MSR1: variants seen among roughly 807,000 people sequenced by gnomAD.
The protein encoded by MSR1 is macrophage scavenger receptor types I and II.
MSR1 carries 53 observed loss-of-function variants against 47.2 expected under a neutral mutation model. The ratio of observed to expected loss-of-function variants is 1.12; its 90% CI spans 0.90 to 1.41. The LOEUF (loss-of-function observed/expected upper bound fraction) is 1.41. Among genes scored for constraint, MSR1 ranks in the 40% most tolerant of loss-of-function variants. MSR1 has a pLI of 0.00. For missense variants in MSR1, 786 were observed against 546.9 expected (o/e 1.44, Z -4.36); for synonymous variants, 239 against 185.6 (o/e 1.29, Z -2.34).
Position 16,139,762 on chromosome 8 carries a change from AAAAAAAAAAAAAATATATATAT to A in MSR1, c.1033+3774_1033+3795del, listed in dbSNP as rs1236388833. 7 of 165,516 alleles carry A rather than the reference AAAAAAAAAAAAAATATATATAT, an allele frequency of 4.2e-5. No individual in the cohort carries two copies. The African/African-American group carries it at 4.7e-4, about 11-fold the overall frequency. The allele number at this position is 165,516 out of a possible 1,614,324, so 10.3% of individuals were successfully genotyped here. A position where few individuals can be genotyped will look rare whatever the true frequency, so the allele number is the denominator to read the frequency against. On this transcript the variant is annotated intron_variant, in intron 8 of 9. Transcript: ENST00000262101. ...CTTCAAAACTTAAAAAAAAAAAAAA[AAAAAAAAAAAAAATATATATAT>A]ATATATATATATATATATATATATA...
At position 16,168,854 on chromosome 8, in the gene MSR1, C is replaced by T. The variant is rs576726520; in HGVS notation, c.234G>A (p.Trp78Ter). ...IGIVAAQLLK[W>*]ETKNCSVSST... is the part of the protein sequence containing the mutation. ...AACTAACTGAGCAATTCTTCGTTTC[C>T]CACTTCAGGAGTTGAGCTGTATATT... Residue 78 changes from tryptophan (W) to a stop codon, truncating the protein, a stop_gained, in exon 4 of 10, where the codon TGG becomes TGA. Transcript: ENST00000262101. LOFTEE classifies it high-confidence loss of function. 1 of 1,613,266 alleles carries T rather than the reference C, an allele frequency of 6.2e-7. No individual in the cohort carries two copies. Among genetic ancestry groups the T allele is most frequent in the Non-Finnish European group, 8.5e-7 (1 of 1,179,972 alleles).
At chr8:16,192,147 C>A (rs73665257) in intron 1 of MSR1, among the ~76,000 whole-genome samples, 1 of 151,720 alleles carries the variant, frequency 6.6e-6, no homozygotes, top group Admixed American at 6.6e-5. Flanking sequence ...GATACCCAGC[C>A]AATATTTGCT....
rs1182059862 is a variant in MSR1 at position 16,170,590 on chromosome 8, T to C, written c.218-1720A>G. On this transcript the variant is annotated intron_variant, in intron 3 of 9. Coordinates refer to ENST00000262101, the MANE Select transcript of MSR1 (RefSeq NM_138715.3). The stretch of plus-strand genomic sequence containing the variant: ...TAATTTCATATTGCTCAAAAATATA[T>C]GCAGCTCCACCTGAGTCTATCAATT... Among the ~76,000 whole-genome samples the C allele has an allele frequency of 2.0e-5, 3 of 152,302 alleles. No homozygotes were observed. In the East Asian group the frequency reaches 5.8e-4, roughly 29 times the overall value.
intron 8 of MSR1, among the ~76,000 whole-genome samples, chr8:16,133,275 A>G (rs1800307230): frequency 6.6e-6 from 1 of 152,200 alleles, no homozygotes; most frequent in African/African-American, 2.4e-5. Context: ...ATTTAACTAT[A>G]TCAATGTTGT....
At chr8:16,123,955 G>T (rs1800069538) in intron 8 of MSR1, among the ~76,000 whole-genome samples, 1 of 152,056 alleles carries the variant, frequency 6.6e-6, no homozygotes, top group African/African-American at 2.4e-5. Flanking sequence ...TTGCTCTCCT[G>T]TTCACTTGAT....
chr8:16,181,019 A>T (rs1563170273), intron 1 of MSR1, among the ~76,000 whole-genome samples: 2 of 152,100 alleles, frequency 1.3e-5, no homozygotes, highest in Admixed American at 1.3e-4. Context: ...TAAGAAGCCA[A>T]ACTGGATTAT....
intron 9 of MSR1, 106 bp from the exon 10 acceptor site, chr8:16,110,324 A>G (rs1335438073): frequency 7.6e-7 from 1 of 1,319,130 alleles, no homozygotes; most frequent in African/African-American, 1.5e-5. Flanking sequence ...AAAAGTGTTG[A>G]TTATTTTCTG....
rs1046020440 is a variant in MSR1, at chr8:16,108,873, C to G, written c.*1212G>C. The G allele has an allele frequency of 3.9e-5, 6 of 152,036 alleles. No individual in the cohort carries two copies. The highest frequency in any genetic ancestry group is 9.7e-5 in the African/African-American group (4 of 41,414). The allele number at this position is 152,036 out of a possible 1,614,324, so 9.4% of individuals were successfully genotyped here. ...TCATTTGCCACTATTAAAGAAAGAA[C>G]AGTAGAGTAATTCCATAATAGTACT... On this transcript the variant is annotated 3_prime_UTR_variant, in exon 10 of 10. Coordinates refer to ENST00000262101, the MANE Select transcript of MSR1 (RefSeq NM_138715.3).
At chr8:16,157,594 A>C (rs549781856) in intron 5 of MSR1, among the ~76,000 whole-genome samples, 3 of 152,096 alleles carry the variant, frequency 2.0e-5, no homozygotes, top group Admixed American at 1.3e-4. Context: ...TGTTTCTAAC[A>C]AAATGTTGGA....
chr8:16,119,870 CTTTT>C (rs35520763), intron 9 of MSR1, among the ~76,000 whole-genome samples: 9 of 95,664 alleles, frequency 9.4e-5, no homozygotes, highest in African/African-American at 1.2e-4. Context: ...TCACGCCTGG[CTTTT>C]TTTTTTTTTT....
intron 8 of MSR1, among the ~76,000 whole-genome samples, chr8:16,122,012 G>C (rs895004962): frequency 6.6e-6 from 1 of 151,926 alleles, no homozygotes; most frequent in Non-Finnish European, 1.5e-5. Flanking sequence ...TTCCTGTAAT[G>C]AAATTGAGTG....
chr8:16,168,934 C>G, intron 3 of MSR1, 64 bp from the exon 4 acceptor site: 1 of 1,458,582 alleles, frequency 6.9e-7, no homozygotes, highest in Admixed American at 1.7e-5. Context: ...AGGATCCCAT[C>G]CCATATCATT....
intron 8 of MSR1, among the ~76,000 whole-genome samples, chr8:16,123,757 A>G (rs932545143): frequency 6.6e-6 from 1 of 152,150 alleles, no homozygotes; most frequent in Non-Finnish European, 1.5e-5. Flanking sequence ...AGTAATTTAA[A>G]CCAAAACCAA....
rs36040442 is a variant in MSR1, at chr8:16,149,545, T to G, written c.979+686A>C. 2.1e-4 allele frequency among the ~76,000 whole-genome samples: 32 copies of G among 152,206 alleles called. 1 individual carries two copies. The highest frequency in any genetic ancestry group is 1.8e-3 in the Admixed American group (28 of 15,268). ...ACTTGGCCCGACTCTATTCTCTTGA[T>G]GATAATTCACTTTGAAATGAGGAGA... On this transcript the variant is annotated intron_variant, in intron 7 of 9. Coordinates refer to ENST00000262101, the MANE Select transcript of MSR1 (RefSeq NM_138715.3).
chr8:16,148,423 A>G (rs941825868), intron 7 of MSR1, among the ~76,000 whole-genome samples: 2 of 152,120 alleles, frequency 1.3e-5, no homozygotes, highest in Non-Finnish European at 2.9e-5. Context: ...CAGAAAAGCC[A>G]GCACATTAAT....
intron 1 of MSR1, among the ~76,000 whole-genome samples, chr8:16,186,904 T>G (rs1802016628): frequency 1.3e-5 from 2 of 152,102 alleles, no homozygotes; most frequent in East Asian, 3.9e-4. Flanking sequence ...CATGAGCTAT[T>G]GAGCATGGCC....
intron 8 of MSR1, among the ~76,000 whole-genome samples, chr8:16,135,816 C>T (rs780881560): frequency 6.6e-6 from 1 of 152,090 alleles, no homozygotes; most frequent in Admixed American, 6.5e-5. Flanking sequence ...TTGATTCCAA[C>T]CCTCATGAAT....
intron 1 of MSR1, among the ~76,000 whole-genome samples, chr8:16,179,001 TAA>T (rs1801744080): frequency 6.6e-6 from 1 of 152,220 alleles, no homozygotes; most frequent in Admixed American, 6.5e-5. Flanking sequence ...AACTTACCCA[TAA>T]GTTTTAACTT....
intron 1 of MSR1, among the ~76,000 whole-genome samples, chr8:16,189,374 T>C (rs1284446520): frequency 2.6e-5 from 3 of 114,580 alleles, no homozygotes; most frequent in Non-Finnish European, 4.9e-5. Context: ...ATATATATTT[T>C]ATATATATAA....
Sources: allele counts gnomAD v4.1 joint callset (sites outside exome capture counted in the v4.1 genomes callset), GRCh38; gene constraint gnomAD v4.1.1; transcripts MANE v1.5; gene names NCBI Gene and HGNC (gene_info 2026-07-23, HGNC 2026-07-21).